SDK1: variants seen among roughly 807,000 people sequenced by gnomAD.
The protein encoded by SDK1 is protein sidekick-1.
In SDK1, 157 loss-of-function variants were observed where a neutral mutation model predicts 245.5. The observed-to-expected ratio is 0.64, with a 90% CI of 0.56 to 0.73. The LOEUF (loss-of-function observed/expected upper bound fraction) is 0.73. SDK1 is among the 30% of genes least tolerant of loss of function. SDK1 has a pLI of 0.00. For synonymous variants in SDK1, 1,647 were observed against 1,278.5 expected, an observed-to-expected ratio of 1.29 and a Z score of -6.15; for missense variants, 3,583 against 3,002.3, an observed-to-expected ratio of 1.19 and a Z score of -4.52.
chr7:4,152,292 A>T (rs1250875141), intron 30 of SDK1, among the ~76,000 whole-genome samples: 1 of 152,232 alleles, frequency 6.6e-6, no homozygotes, highest in African/African-American at 2.4e-5. Flanking sequence ...CTCCAGAGGA[A>T]GGCACTCCTA....
In SDK1 at chr7:3,938,076, A is replaced by T. The variant is rs369034787; in HGVS notation, c.848-12847A>T. Among the ~76,000 whole-genome samples the T allele has an allele frequency of 5.9e-5, 9 of 152,242 alleles. No individual in the cohort carries two copies. The East Asian group carries it at 9.7e-4, about 16-fold the overall frequency. On this transcript the variant is annotated intron_variant, in intron 5 of 44. Coordinates refer to ENST00000404826, the MANE Select transcript of SDK1 (RefSeq NM_152744.4). Reference sequence around the variant, plus strand: ...GGTCTTGAACTCCTGACCTCAGGCGATCCACCTGCCTTGACCTCCCAAAGT... The same window carrying T: ...GGTCTTGAACTCCTGACCTCAGGCGTTCCACCTGCCTTGACCTCCCAAAGT...
At position 3,936,979 on chromosome 7, in the gene SDK1, G is replaced by T. The variant is rs559297167; in HGVS notation, c.848-13944G>T. Among the ~76,000 whole-genome samples, 4 of 152,320 alleles carry T rather than the reference G, an allele frequency of 2.6e-5. 1 individual carries two copies. The South Asian group carries it at 8.3e-4, about 32-fold the overall frequency. ...GGTGTAGCCGAAGCTCAGGAATGTT[G>T]GAACTCGGAGAGGCTGTGAAAGAGA... On this transcript the variant is annotated intron_variant, in intron 5 of 44. Transcript: ENST00000404826.
At chr7:3,655,816 G>A (rs749773459) in intron 4 of SDK1, among the ~76,000 whole-genome samples, 1 of 151,886 alleles carries the variant, frequency 6.6e-6, no homozygotes, top group Non-Finnish European at 1.5e-5. Flanking sequence ...TTTCAGTCCC[G>A]GCCCTGCCAC....
intron 4 of SDK1, among the ~76,000 whole-genome samples, chr7:3,645,913 C>T (rs997722738): frequency 6.6e-6 from 1 of 151,860 alleles, no homozygotes; most frequent in African/African-American, 2.4e-5. Flanking sequence ...GGCTGGAGTG[C>T]AGTGGCCCAA....
intron 4 of SDK1, among the ~76,000 whole-genome samples, chr7:3,785,911 T>C (rs1052326101): frequency 6.6e-5 from 10 of 152,218 alleles, no homozygotes; most frequent in Non-Finnish European, 1.5e-4. Flanking sequence ...GAGAGAAATA[T>C]TCCTTGAGGA....
chr7:3,533,603 T>C (rs563216321), intron 1 of SDK1, among the ~76,000 whole-genome samples: 25 of 152,368 alleles, frequency 1.6e-4, no homozygotes, highest in African/African-American at 5.8e-4. Context: ...CTGTTTATCC[T>C]TAAAATTTAG....
At chr7:4,027,433 A>G (rs1423253677) in intron 17 of SDK1, among the ~76,000 whole-genome samples, 7 of 152,166 alleles carry the variant, frequency 4.6e-5, no homozygotes, top group African/African-American at 1.4e-4. Context: ...TCCCGTAGGG[A>G]TACTAAGTAG....
At chr7:3,659,479 A>G (rs1455842318) in intron 4 of SDK1, among the ~76,000 whole-genome samples, 1 of 152,174 alleles carries the variant, frequency 6.6e-6, no homozygotes, top group African/African-American at 2.4e-5. Flanking sequence ...ATCTGCGTTT[A>G]GTGTTTGCAA....
chr7:4,169,201 C>T (rs1016051066), intron 32 of SDK1, among the ~76,000 whole-genome samples: 107 of 152,310 alleles, frequency 7.0e-4, no homozygotes, highest in African/African-American at 2.4e-3. Flanking sequence ...AGCAGTAACC[C>T]AGGAATCCAC....
At chr7:3,546,787 T>G (rs1779239014) in intron 1 of SDK1, among the ~76,000 whole-genome samples, 1 of 152,210 alleles carries the variant, frequency 6.6e-6, no homozygotes, top group Non-Finnish European at 1.5e-5. Context: ...ATTAGTGCAT[T>G]TGGGTAGTTT....
rs1269867760 is a variant in SDK1 at position 4,203,146 on chromosome 7, C to T, written c.5099-2733C>T. Among the ~76,000 whole-genome samples the T allele has an allele frequency of 5.3e-5, 8 of 152,340 alleles. No homozygotes were observed. The South Asian group carries it at 1.0e-3, about 20-fold the overall frequency. ...CAGAGGCAGGAGGCCACGCCATAAC[C>T]CGGCTCAGGCCCCAGCGCCCAGCCA... is the stretch of plus-strand genomic sequence containing the variant. On this transcript the variant is annotated intron_variant, in intron 35 of 44. Coordinates refer to ENST00000404826, the MANE Select transcript of SDK1 (RefSeq NM_152744.4).
At chr7:3,840,499 A>G (rs972245790) in intron 5 of SDK1, among the ~76,000 whole-genome samples, 1 of 152,214 alleles carries the variant, frequency 6.6e-6, no homozygotes, top group African/African-American at 2.4e-5. Flanking sequence ...TTGGGCTAGT[A>G]CTATCAGCAT....
intron 1 of SDK1, among the ~76,000 whole-genome samples, chr7:3,562,654 G>A (rs925999659): frequency 6.6e-6 from 1 of 152,200 alleles, no homozygotes; most frequent in East Asian, 1.9e-4. Flanking sequence ...TTATGATAAA[G>A]TATACATAAC....
At chr7:3,435,052 A>G (rs1779978074) in intron 1 of SDK1, among the ~76,000 whole-genome samples, 1 of 152,198 alleles carries the variant, frequency 6.6e-6, no homozygotes, top group Non-Finnish European at 1.5e-5. Context: ...TCCCAAAAGT[A>G]CCAAATTATG....
intron 1 of SDK1, among the ~76,000 whole-genome samples, chr7:3,531,473 A>G (rs1282655396): frequency 2.0e-5 from 3 of 152,118 alleles, no homozygotes; most frequent in African/African-American, 7.2e-5. Flanking sequence ...GGACTTTTTC[A>G]CTGAGACCCC....
At chr7:3,784,655 A>G (rs185574778) in intron 4 of SDK1, among the ~76,000 whole-genome samples, 71 of 152,340 alleles carry the variant, frequency 4.7e-4, no homozygotes, top group Non-Finnish European at 7.5e-4. Flanking sequence ...TGAAATCACA[A>G]TGAGAAACTA....
chr7:3,732,622 T>C (rs891010295), intron 4 of SDK1, among the ~76,000 whole-genome samples: 5 of 152,246 alleles, frequency 3.3e-5, no homozygotes, highest in Non-Finnish European at 7.3e-5. Flanking sequence ...TCAAAGAGAC[T>C]GAGCAGCAAA....
At chr7:3,578,245 A>G (rs762452784) in intron 1 of SDK1, among the ~76,000 whole-genome samples, 2 of 151,964 alleles carry the variant, frequency 1.3e-5, no homozygotes, top group Non-Finnish European at 2.9e-5. Context: ...AAAACCAGCA[A>G]GTTTTATTAA....
chr7:3,314,039 T>C (rs552903430), intron 1 of SDK1, among the ~76,000 whole-genome samples: 6 of 152,320 alleles, frequency 3.9e-5, no homozygotes, highest in Non-Finnish European at 7.3e-5. Flanking sequence ...AGAGAGCTTA[T>C]AGTTTATTAG....
Sources: allele counts gnomAD v4.1 joint callset (sites outside exome capture counted in the v4.1 genomes callset), GRCh38; gene constraint gnomAD v4.1.1; transcripts MANE v1.5; gene names NCBI Gene and HGNC (gene_info 2026-07-23, HGNC 2026-07-21).